HADH: variants seen among roughly 807,000 people sequenced by gnomAD.
HADH encodes the protein hydroxyacyl-coenzyme A dehydrogenase, mitochondrial.
Under a neutral mutation model 32.2 loss-of-function variants are expected in HADH, and 24 were observed. The observed-to-expected ratio is 0.75, with a 90% CI of 0.54 to 1.05. The LOEUF (loss-of-function observed/expected upper bound fraction) is 1.05. Ranked by LOEUF, HADH falls within the 50% of genes least tolerant of loss-of-function variation. The pLI, the probability that HADH is intolerant of heterozygous loss-of-function variation, is 0.00. For missense variants in HADH, 350 were observed against 397.1 expected (o/e 0.88, Z 1.01); for synonymous variants, 139 against 152.5 (o/e 0.91, Z 0.65).
rs539844176 is a variant in HADH at position 108,010,015 on chromosome 4, C to A, written c.261+128C>A. On this transcript the variant is annotated intron_variant, in intron 2 of 7. Transcript: ENST00000309522. ...TTTTTCAGTTTGTTAGTGTAAAACT[C>A]ATTTTTCCATAACTTTAAACCAATA... The A allele has an allele frequency of 1.4e-5, 9 of 665,750 alleles. No individual in the cohort carries two copies. The South Asian group carries it at 1.4e-4, about 10-fold the overall frequency. 41.2% of individuals were successfully genotyped at this position (665,750 alleles called of 1,614,324 possible).
At chr4:108,007,990 G>C (rs1369665022) in intron 1 of HADH, among the ~76,000 whole-genome samples, 1 of 152,182 alleles carries the variant, frequency 6.6e-6, no homozygotes, top group Non-Finnish European at 1.5e-5. Flanking sequence ...TGGGTAAAAT[G>C]AAAATGCTAC....
chr4:108,033,714 G>A (rs1237381688), intron 7 of HADH, among the ~76,000 whole-genome samples: 1 of 152,224 alleles, frequency 6.6e-6, no homozygotes, highest in Non-Finnish European at 1.5e-5. Context: ...TATATCCATT[G>A]TAATGTAAAA....
intron 3 of HADH, among the ~76,000 whole-genome samples, chr4:108,016,082 T>C (rs1196388052): frequency 2.0e-5 from 3 of 152,126 alleles, no homozygotes; most frequent in Non-Finnish European, 4.4e-5. Flanking sequence ...AAAGGAGCAT[T>C]GACTTCTTAG....
At chr4:108,027,815 C>A in intron 6 of HADH, 55 bp downstream of exon 6, 2 of 1,023,218 alleles carry the variant, frequency 2.0e-6, no homozygotes, top group Non-Finnish European at 3.1e-6. Flanking sequence ...GCGCCACTGT[C>A]TGGAATTCTC....
At chr4:108,011,720 C>G (rs909825642) in intron 2 of HADH, among the ~76,000 whole-genome samples, 3 of 152,148 alleles carry the variant, frequency 2.0e-5, no homozygotes, top group Admixed American at 6.5e-5. Context: ...GAGGAACCAC[C>G]AAATTGTTTT....
intron 4 of HADH, among the ~76,000 whole-genome samples, chr4:108,020,302 T>G (rs1412481984): frequency 6.6e-6 from 1 of 151,918 alleles, no homozygotes; most frequent in East Asian, 1.9e-4. Context: ...AAGACCCCAT[T>G]TCTACAAAAA....
At chr4:107,991,012 A>G (rs1734776771) in intron 1 of HADH, among the ~76,000 whole-genome samples, 1 of 152,116 alleles carries the variant, frequency 6.6e-6, no homozygotes, top group Non-Finnish European at 1.5e-5. Context: ...AAGTGCTGGG[A>G]TTACAGGCGT....
At chr4:108,029,993 G>A (rs62311449) in intron 6 of HADH, 6,080 of 152,424 alleles carry the variant, frequency 0.04, 127 homozygotes, top group Non-Finnish European at 0.056. Context: ...CTAATGGCCA[G>A]TGTGGGCAGG....
At chr4:107,998,223 G>A (rs1047108829) in intron 1 of HADH, among the ~76,000 whole-genome samples, 3 of 152,098 alleles carry the variant, frequency 2.0e-5, no homozygotes, top group African/African-American at 7.2e-5. Context: ...GGCATATGGG[G>A]GACATCTAGC....
chr4:108,006,301 A>G (rs971754563), intron 1 of HADH, among the ~76,000 whole-genome samples: 3 of 152,202 alleles, frequency 2.0e-5, no homozygotes, highest in African/African-American at 7.2e-5. Context: ...TTGAGGAGAT[A>G]GATGGCAACC....
At chr4:108,019,210 C>A (rs1484695588) in intron 3 of HADH, among the ~76,000 whole-genome samples, 1 of 152,114 alleles carries the variant, frequency 6.6e-6, no homozygotes, top group Non-Finnish European at 1.5e-5. Context: ...CAATTAGCCA[C>A]CTCTTGTTAT....
At chr4:108,008,220 G>T (rs1735355603) in intron 1 of HADH, among the ~76,000 whole-genome samples, 1 of 152,192 alleles carries the variant, frequency 6.6e-6, no homozygotes, top group Non-Finnish European at 1.5e-5. Flanking sequence ...CTGATGGGCT[G>T]GTTTCCTGCT....
At chr4:108,007,035 C>T (rs1261379139) in intron 1 of HADH, among the ~76,000 whole-genome samples, 3 of 152,154 alleles carry the variant, frequency 2.0e-5, no homozygotes, top group African/African-American at 4.8e-5. Flanking sequence ...AGTAGATGCT[C>T]AGTATGTGGC....
chr4:108,027,313 A>C (rs1247565389), intron 5 of HADH: 3 of 360,128 alleles, frequency 8.3e-6, no homozygotes, highest in Non-Finnish European at 1.6e-5. Context: ...TTTGAGACAA[A>C]CTGTCACCCC....
intron 5 of HADH, 186 bp downstream of exon 5, chr4:108,023,749 C>T (rs1735971617): frequency 1.6e-6 from 1 of 624,400 alleles, no homozygotes; most frequent in Non-Finnish European, 2.9e-6. Context: ...AACTGGACTC[C>T]TAAGCCATGC....
At chr4:107,992,052 A>G (rs1734830540) in intron 1 of HADH, among the ~76,000 whole-genome samples, 1 of 152,202 alleles carries the variant, frequency 6.6e-6, no homozygotes, top group South Asian at 2.1e-4. Flanking sequence ...CAGAGGGGCA[A>G]TACCTAAAAT....
chr4:108,028,563 C>T lies in HADH; in HGVS notation c.709+803C>T, dbSNP rs560124868. 162 of 297,942 alleles carry T rather than the reference C, an allele frequency of 5.4e-4. 1 individual carries two copies. The highest frequency in any genetic ancestry group is 7.9e-4 in the Non-Finnish European group (129 of 163,474). 18.5% of individuals were successfully genotyped at this position (297,942 alleles called of 1,614,324 possible). A position where few individuals can be genotyped will look rare whatever the true frequency, so the allele number is the denominator to read the frequency against. ...ACCAGCTCTTCCAGAGAGATGAAAG[C>T]ACATTTGCTTCCTCAAAATCTGCTT... On this transcript the variant is annotated intron_variant, in intron 6 of 7. Coordinates refer to ENST00000309522, the MANE Select transcript of HADH (RefSeq NM_005327.7).
intron 5 of HADH, chr4:108,025,954 C>T (rs1049864066): frequency 6.6e-6 from 1 of 152,190 alleles, no homozygotes; most frequent in South Asian, 2.1e-4. Flanking sequence ...TTCTCAATAG[C>T]ATCAAATATT....
chr4:108,017,018 C>T (rs1735714779), intron 3 of HADH, among the ~76,000 whole-genome samples: 2 of 152,160 alleles, frequency 1.3e-5, no homozygotes, highest in Admixed American at 6.5e-5. Flanking sequence ...CATAGTCATA[C>T]CAAAGATGTG....
Sources: gnomAD v4.1 joint callset for allele counts (sites outside exome capture counted in the v4.1 genomes callset) on GRCh38, gnomAD v4.1.1 for gene constraint, MANE v1.5 for transcripts, NCBI Gene and HGNC (gene_info 2026-07-23, HGNC 2026-07-21) for gene names.